Variants in MAN2A1 observed in about 807,000 individuals in gnomAD.
MAN2A1 encodes mannosidase alpha class 2A member 1.
Under a neutral mutation model 142.6 loss-of-function variants are expected in MAN2A1, and 76 were observed. That is an observed-to-expected ratio of 0.53 (90% CI 0.44 to 0.65). The LOEUF is 0.65. Among genes scored for constraint, MAN2A1 ranks in the 30% least tolerant of loss-of-function variants. MAN2A1 has a pLI of 0.00. For missense variants in MAN2A1, 1,311 were observed against 1,365.1 expected, an observed-to-expected ratio of 0.96 and a Z score of 0.62; for synonymous variants, 559 against 473.2, an observed-to-expected ratio of 1.18 and a Z score of -2.35.
chr5:109,735,313 T>A (rs566164028), intron 4 of MAN2A1, among the ~76,000 whole-genome samples: 2 of 152,328 alleles, frequency 1.3e-5, no homozygotes, highest in Admixed American at 6.5e-5. Context: ...TGATGGGTCT[T>A]GACTCTTTAT....
intron 4 of MAN2A1, among the ~76,000 whole-genome samples, chr5:109,735,582 C>T (rs994310287): frequency 5.9e-5 from 9 of 152,060 alleles, no homozygotes; most frequent in Non-Finnish European, 7.4e-5. Context: ...GAGATGAACC[C>T]GGTACCTCAG....
chr5:109,802,944 A>C (rs1467706985), intron 12 of MAN2A1, among the ~76,000 whole-genome samples: 4 of 152,074 alleles, frequency 2.6e-5, no homozygotes, highest in Non-Finnish European at 5.9e-5. Flanking sequence ...TACCTAATAC[A>C]ATATAATTAA....
intron 20 of MAN2A1, among the ~76,000 whole-genome samples, chr5:109,861,617 C>T (rs1254110745): frequency 6.6e-6 from 1 of 152,120 alleles, no homozygotes; most frequent in Non-Finnish European, 1.5e-5. Context: ...TATTTTCATC[C>T]CATCTTACAG....
chr5:109,793,645 G>A (rs1753790464), intron 12 of MAN2A1, among the ~76,000 whole-genome samples: 1 of 152,078 alleles, frequency 6.6e-6, no homozygotes, highest in African/African-American at 2.4e-5. Flanking sequence ...AATAAAGCTT[G>A]GAATTTGTAT....
chr5:109,696,101 A>G (rs1011393272), intron 1 of MAN2A1, among the ~76,000 whole-genome samples: 1 of 151,600 alleles, frequency 6.6e-6, no homozygotes, highest in African/African-American at 2.4e-5. Flanking sequence ...GGTATCTAGT[A>G]TATATCTTTT....
chr5:109,773,478 T>A (rs1561504988), intron 7 of MAN2A1, among the ~76,000 whole-genome samples: 1 of 152,110 alleles, frequency 6.6e-6, no homozygotes, highest in Non-Finnish European at 1.5e-5. Flanking sequence ...TTTGGTAGCC[T>A]TCTTTCTATG....
chr5:109,857,976 A>G (rs936347773), intron 20 of MAN2A1, among the ~76,000 whole-genome samples: 1 of 152,182 alleles, frequency 6.6e-6, no homozygotes, highest in African/African-American at 2.4e-5. Context: ...ACGAAATCCT[A>G]TTGTGAAAGC....
intron 12 of MAN2A1, among the ~76,000 whole-genome samples, chr5:109,814,573 A>G (rs758417804): frequency 6.6e-6 from 1 of 152,170 alleles, no homozygotes; most frequent in Non-Finnish European, 1.5e-5. Context: ...TATACTCATT[A>G]TATACTCTAC....
intron 4 of MAN2A1, among the ~76,000 whole-genome samples, chr5:109,745,195 G>A (rs1561490235): frequency 6.6e-6 from 1 of 152,030 alleles, no homozygotes; most frequent in Non-Finnish European, 1.5e-5. Context: ...GATTACAGTT[G>A]TCACAATTCA....
At chr5:109,764,707 A>G (rs533082055) in intron 5 of MAN2A1, among the ~76,000 whole-genome samples, 1 of 152,178 alleles carries the variant, frequency 6.6e-6, no homozygotes, top group Non-Finnish European at 1.5e-5. Flanking sequence ...GGAAAAGATT[A>G]CCAGTGATGT....
chr5:109,850,925 A>G (rs967120532), intron 19 of MAN2A1, among the ~76,000 whole-genome samples: 3 of 152,236 alleles, frequency 2.0e-5, no homozygotes, highest in Non-Finnish European at 2.9e-5. Context: ...ATGTCTAGTG[A>G]AAATAATTAA....
chr5:109,752,630 G>A (rs1047011891), intron 4 of MAN2A1, among the ~76,000 whole-genome samples: 1 of 152,132 alleles, frequency 6.6e-6, no homozygotes, highest in Non-Finnish European at 1.5e-5. Flanking sequence ...TTTAGCTTGG[G>A]TGCACATGAA....
At chr5:109,718,862 G>C (rs1276217418) in intron 3 of MAN2A1, among the ~76,000 whole-genome samples, 1 of 152,122 alleles carries the variant, frequency 6.6e-6, no homozygotes, top group Non-Finnish European at 1.5e-5. Context: ...GGTTAAATAA[G>C]TTAATGAGCT....
intron 3 of MAN2A1, 114 bp from the exon 4 acceptor site, chr5:109,729,228 A>G: frequency 1.7e-6 from 1 of 601,058 alleles, no homozygotes; most frequent in Middle Eastern, 4.5e-4. Flanking sequence ...AAATTTAAAA[A>G]TATGTCTATG....
intron 1 of MAN2A1, among the ~76,000 whole-genome samples, chr5:109,712,856 C>T (rs942134782): frequency 1.3e-5 from 2 of 152,124 alleles, no homozygotes; most frequent in Non-Finnish European, 1.5e-5. Context: ...TCCCTGCTCT[C>T]ATAAGGTGAG....
At chr5:109,700,437 T>C (rs1009501411) in intron 1 of MAN2A1, among the ~76,000 whole-genome samples, 5 of 152,168 alleles carry the variant, frequency 3.3e-5, no homozygotes, top group Non-Finnish European at 7.3e-5. Context: ...GCAGTTCCCT[T>C]CTGTTTCTTC....
chr5:109,845,941 A>G lies in MAN2A1; in HGVS notation c.2777A>G (p.Gln926Arg), dbSNP rs1396265411. 6.2e-7 allele frequency: 1 copy of G among 1,613,822 alleles called. No homozygotes were observed. Among genetic ancestry groups the G allele is most frequent in the South Asian group, 1.1e-5 (1 of 91,058 alleles). ...VYPMTTMAYI[Q>R]DAKHRLTLLS... ...CCCATGACCACAATGGCCTATATCC[A>G]GGATGCCAAACATCGTTTGACACTG... Residue 926 changes from glutamine to arginine, a missense_variant, in exon 18 of 22, where the codon CAG becomes CGG. By Grantham distance (43) the Gln-to-Arg change is conservative. Around this residue, in one of 3 missense-constraint regions of MAN2A1, gnomAD observed 890 missense variants for 920.5 expected, o/e 0.97. Coordinates refer to ENST00000261483, the MANE Select transcript of MAN2A1 (RefSeq NM_002372.4).
At position 109,729,425 on chromosome 5, in the gene MAN2A1, T is replaced by C. The variant is rs1452109922; in HGVS notation, c.619T>C (p.Ser207Pro). ...NNMVLKLKED[S>P]RRKFIWSEIS... ...CATGGTCCTAAAGCTGAAAGAAGAC[T>C]CACGGAGGAAGTTTATTTGGTCTGA... The change falls in exon 4 of 22, where the codon TCA becomes CCA. Residue 207 changes from serine to proline, a missense_variant. Physicochemically the swap from Ser to Pro is moderately conservative, Grantham distance 74 (BLOSUM62 -1). Coordinates refer to ENST00000261483, the MANE Select transcript of MAN2A1 (RefSeq NM_002372.4). 1.2e-6 allele frequency: 2 copies of C among 1,603,288 alleles called. No individual in the cohort carries two copies. The highest frequency in any genetic ancestry group is 1.7e-6 in the Non-Finnish European group (2 of 1,172,784).
chr5:109,866,745 C>G (rs139159686), intron 21 of MAN2A1, 101 bp from the exon 22 acceptor site: 3 of 677,120 alleles, frequency 4.4e-6, no homozygotes, highest in East Asian at 5.8e-5. Flanking sequence ...CTTCAACATA[C>G]TGTTTTATTC....
Sources: gnomAD v4.1 joint callset for allele counts (sites outside exome capture counted in the v4.1 genomes callset) on GRCh38, gnomAD v4.1.1 for gene constraint, gnomAD v4.1.1 regional missense constraint, MANE v1.5 for transcripts, NCBI Gene and HGNC (gene_info 2026-07-23, HGNC 2026-07-21) for gene names.